Variants in FCRLB observed in about 807,000 individuals in gnomAD.
FCRLB encodes Fc receptor like B, also known as Fc receptor-like B.
In FCRLB, 34 loss-of-function variants were observed where a neutral mutation model predicts 33.6. The observed-to-expected ratio is 1.01, with a 90% CI of 0.77 to 1.35. The LOEUF (loss-of-function observed/expected upper bound fraction) is 1.35. FCRLB is among the 40% of genes most tolerant of loss of function. The pLI, the probability that FCRLB is intolerant of heterozygous loss-of-function variation, is 0.00. For missense variants in FCRLB, 560 were observed against 580.2 expected, an observed-to-expected ratio of 0.97 and a Z score of 0.36; for synonymous variants, 280 against 255.9, an observed-to-expected ratio of 1.09 and a Z score of -0.90.
chr1:161,726,986 G>A lies in FCRLB; in HGVS notation c.858G>A (p.Pro286=), dbSNP rs1333842045. The change falls in exon 7 of 8, where the codon CCG becomes CCA. Residue 286 remains proline (P), a synonymous_variant. Transcript: ENST00000367948. This position sits in a 1 kb window ranked among gnomAD's most constrained non-coding sequence, Gnocchi z 5.2. ...AACGCAGTCCGTGGCTGCAGCTCCC[G>A]GGGCCGGGTGAGTGCCTGCACACCC... The A allele has an allele frequency of 8.6e-6, 13 of 1,519,586 alleles. No individual in the cohort carries two copies. The highest frequency in any genetic ancestry group is 1.1e-5 in the Non-Finnish European group (13 of 1,134,016). 94.1% of individuals were successfully genotyped at this position (1,519,586 alleles called of 1,614,324 possible). A position where few individuals can be genotyped will look rare whatever the true frequency, so the allele number is the denominator to read the frequency against.
intron 5 of FCRLB, 36 bp from the exon 6 acceptor site, chr1:161,725,784 TC>T: frequency 1.3e-6 from 2 of 1,561,838 alleles, no homozygotes; most frequent in African/African-American, 1.3e-5. Context: ...GGCTGGACTT[TC>T]TGTGGAGTCA....
chr1:161,722,689 C>A, exon 3 of FCRLB: 1 of 1,614,100 alleles, frequency 6.2e-7, no homozygotes, highest in Non-Finnish European at 8.5e-7. Context: ...CCACTGACAG[C>A]CCTTCTGCTC....
At chr1:161,722,149 T>G (rs1490099961) in intron 2 of FCRLB, among the ~76,000 whole-genome samples, 1 of 152,118 alleles carries the variant, frequency 6.6e-6, no homozygotes, top group East Asian at 1.9e-4. Flanking sequence ...GGATGTGAGC[T>G]CTGGGGGCAG....
intron 2 of FCRLB, among the ~76,000 whole-genome samples, chr1:161,722,137 C>G (rs905591): frequency 0.9 from 137,050 of 151,994 alleles, 62,075 homozygotes; most frequent in East Asian, 1. Context: ...CTCATTGTGG[C>G]AGGATGTGAG....
In FCRLB at chr1:161,726,520, G is replaced by A; in HGVS notation, c.575-183G>A. 1 of 866,328 alleles carries A rather than the reference G, an allele frequency of 1.2e-6. No homozygotes were observed. The highest frequency in any genetic ancestry group is 1.9e-6 in the Non-Finnish European group (1 of 535,520). 53.7% of individuals were successfully genotyped at this position (866,328 alleles called of 1,614,324 possible). ...TCCTTTCAAGCTTTCCCCGTCCCTC[G>A]TGGACTCGGTCCCCCTGCCCCACAT... On this transcript the variant is annotated intron_variant, in intron 6 of 7. Transcript: ENST00000367948. This position sits in a 1 kb window ranked among gnomAD's most constrained non-coding sequence, Gnocchi z 5.2.
chr1:161,727,497 C>A, exon 8 of FCRLB: 1 of 1,614,186 alleles, frequency 6.2e-7, no homozygotes, highest in East Asian at 2.2e-5. Context: ...CCGACGTGGA[C>A]CTTCTGCTCC....
At chr1:161,727,156 C>A in intron 7 of FCRLB, 91 bp from the exon 8 acceptor site, 1 of 1,398,840 alleles carries the variant, frequency 7.1e-7, no homozygotes, top group Non-Finnish European at 9.5e-7. Flanking sequence ...CGGCCTTCCC[C>A]ATCCCCGCCC....
chr1:161,722,801 C>T lies in FCRLB; in HGVS notation c.31+98C>T. 22 of 1,541,176 alleles carry T rather than the reference C, an allele frequency of 1.4e-5. 1 individual carries two copies. Among genetic ancestry groups the T allele is most frequent in the Non-Finnish European group, 1.9e-5 (21 of 1,125,976 alleles). ...AGGGTGGGTATCCAATCCTCAGTTT[C>T]CAAGTGGTTCATTATCTTTTTTTGG... is the stretch of plus-strand genomic sequence containing the variant. On this transcript the variant is annotated intron_variant, in intron 3 of 7. Coordinates refer to ENST00000367948, the Ensembl canonical transcript of FCRLB.
rs765902697 is a variant in FCRLB at position 161,726,020 on chromosome 1, G to C, written c.507G>C (p.Ser169=). Residue 169 remains serine, a synonymous_variant, in exon 6 of 8, where the codon TCG becomes TCC. Coordinates refer to ENST00000367948, the Ensembl canonical transcript of FCRLB. The surrounding 1 kb of genome is among the most constrained non-coding windows in gnomAD (Gnocchi z 5.2). ...GCGACAGCGGGCGCTACCAGTGCTC[G>C]GGCACCATGCGCATCCCGGTGGAGA... 1 of 1,613,980 alleles carries C rather than the reference G, an allele frequency of 6.2e-7. No homozygotes were observed. The highest frequency in any genetic ancestry group is 8.5e-7 in the Non-Finnish European group (1 of 1,179,876).
rs763066935 is a variant in FCRLB at position 161,726,311 on chromosome 1, C to G, written c.574+224C>G. ...CCCCGACGCACATCCTGGCTTCTCA[C>G]TCTGGCTGGGGACTCCCACAGAGAG... On this transcript the variant is annotated intron_variant, in intron 6 of 7. Coordinates refer to ENST00000367948, the Ensembl canonical transcript of FCRLB. This position sits in a 1 kb window ranked among gnomAD's most constrained non-coding sequence, Gnocchi z 5.2. 9 of 844,012 alleles carry G rather than the reference C, an allele frequency of 1.1e-5. No homozygotes were observed. The highest frequency in any genetic ancestry group is 1.6e-5 in the Non-Finnish European group (8 of 515,986). The allele number at this position is 844,012 out of a possible 1,614,324, so 52.3% of individuals were successfully genotyped here.
chr1:161,726,803 G>T lies in FCRLB; in HGVS notation c.675G>T (p.Pro225=), dbSNP rs781650622. Residue 225 remains proline, a synonymous_variant, in exon 7 of 8, where the codon CCG becomes CCT. Transcript: ENST00000367948. This position sits in a 1 kb window ranked among gnomAD's most constrained non-coding sequence, Gnocchi z 5.2. ...TGCGCTGCGACACGCGCCTGCACCCGCAGAAGCGCGACACGCCGCTGCAGT... is the reference window on the plus strand; with the variant it reads ...TGCGCTGCGACACGCGCCTGCACCCTCAGAAGCGCGACACGCCGCTGCAGT... 2.8e-5 allele frequency: 43 copies of T among 1,561,758 alleles called. No individual in the cohort carries two copies. The highest frequency in any genetic ancestry group is 3.5e-5 in the Non-Finnish European group (40 of 1,155,284).
chr1:161,723,623 T>C lies in FCRLB; in HGVS notation c.307+2T>C. 1 of 1,612,940 alleles carries C rather than the reference T, an allele frequency of 6.2e-7. No individual in the cohort carries two copies. The highest frequency in any genetic ancestry group is 1.1e-5 in the South Asian group (1 of 91,020). Reference sequence around the variant, plus strand: ...CCATCCACCTCTCTGTATCCAATGGTGAGTGGACTGAGCACGAGGGGAGGG... The same window carrying C: ...CCATCCACCTCTCTGTATCCAATGGCGAGTGGACTGAGCACGAGGGGAGGG... On this transcript the variant is annotated splice_donor_variant, in intron 5 of 7. Coordinates refer to ENST00000367948, the Ensembl canonical transcript of FCRLB. LOFTEE classifies it high-confidence loss of function.
chr1:161,724,882 C>T (rs1207013213), intron 5 of FCRLB, among the ~76,000 whole-genome samples: 2 of 152,076 alleles, frequency 1.3e-5, no homozygotes, highest in Non-Finnish European at 2.9e-5. Flanking sequence ...CCTGGGGTGT[C>T]AGGGATGTTT....
At position 161,726,939 on chromosome 1, in the gene FCRLB, A is replaced by G; in HGVS notation, c.811A>G (p.Thr271Ala). 2 of 1,556,694 alleles carry G rather than the reference A, an allele frequency of 1.3e-6. No homozygotes were observed. Residue 271 changes from threonine to alanine, a missense_variant, in exon 7 of 8, where the codon ACC (threonine) becomes GCC (alanine). Physicochemically the swap from Thr to Ala is moderately conservative, Grantham distance 58. Coordinates refer to ENST00000367948, the Ensembl canonical transcript of FCRLB. This position sits in a 1 kb window ranked among gnomAD's most constrained non-coding sequence, Gnocchi z 5.2. ...CGAATCGTACTGGTGCGAGGCGGCT[A>G]CCGCCACCCGCAGTGTCCGGAAACG...
rs770113408 is a variant in FCRLB at position 161,726,810 on chromosome 1, C to G, written c.682C>G (p.Arg228Gly). 5 of 1,561,404 alleles carry G rather than the reference C, an allele frequency of 3.2e-6. No individual in the cohort carries two copies. Among genetic ancestry groups the G allele is most frequent in the Non-Finnish European group, 3.5e-6 (4 of 1,154,548 alleles). The change falls in exon 7 of 8, where the codon CGC becomes GGC. Residue 228 changes from arginine to glycine, a missense_variant. Coordinates refer to ENST00000367948, the Ensembl canonical transcript of FCRLB. The surrounding 1 kb of genome is among the most constrained non-coding windows in gnomAD (Gnocchi z 5.2). ...CGACACGCGCCTGCACCCGCAGAAGCGCGACACGCCGCTGCAGTTCGCGTT... is the reference window on the plus strand; with the variant it reads ...CGACACGCGCCTGCACCCGCAGAAGGGCGACACGCCGCTGCAGTTCGCGTT...
chr1:161,726,737 T>G lies in FCRLB; in HGVS notation c.609T>G (p.Gly203=). 6.3e-7 allele frequency: 1 copy of G among 1,595,110 alleles called. No homozygotes were observed. The highest frequency in any genetic ancestry group is 8.5e-7 in the Non-Finnish European group (1 of 1,174,812). ...GGGCGCCGGTGCTGAGGGTGATGGG[T>G]CCGCGGGAGGCCCGCGGCGCGGCGC... Residue 203 remains glycine (G), a synonymous_variant, in exon 7 of 8, where the codon GGT becomes GGG. Transcript: ENST00000367948. This position sits in a 1 kb window ranked among gnomAD's most constrained non-coding sequence, Gnocchi z 5.2.
Position 161,726,176 on chromosome 1 carries a change from G to A in FCRLB, c.574+89G>A. The A allele has an allele frequency of 6.3e-7, 1 of 1,595,508 alleles. No individual in the cohort carries two copies. The highest frequency in any genetic ancestry group is 8.6e-7 in the Non-Finnish European group (1 of 1,168,286). On this transcript the variant is annotated intron_variant, in intron 6 of 7. Transcript: ENST00000367948. The surrounding 1 kb of genome is among the most constrained non-coding windows in gnomAD (Gnocchi z 5.2). Reference sequence around the variant, plus strand: ...CTCGGCGAGAAAAGAAGGGGCGGAAGTTCAAATAGCTGCCACTTGGAGGGT... The same window carrying A: ...CTCGGCGAGAAAAGAAGGGGCGGAAATTCAAATAGCTGCCACTTGGAGGGT...
rs762646228 is a variant in FCRLB, at chr1:161,725,834, G to C, written c.321G>C (p.Leu107=). 9.9e-6 allele frequency: 16 copies of C among 1,608,582 alleles called. No homozygotes were observed. The South Asian group carries it at 1.5e-4, about 16-fold the overall frequency. Residue 107 remains leucine, a synonymous_variant, in exon 6 of 8, where the codon CTG becomes CTC. Transcript: ENST00000367948. ...TGTCTGTCGCAGATTGGCTGATTCT[G>C]CAAGTGCCCTATGCGCCAGTGTTCG...
rs752215984 is a variant in FCRLB, at chr1:161,726,680, G to A, written c.575-23G>A. On this transcript the variant is annotated intron_variant, in intron 6 of 7. Transcript: ENST00000367948. The surrounding 1 kb of genome is among the most constrained non-coding windows in gnomAD (Gnocchi z 5.2). ...GCGGAGCGGTGGACAAGCCGGCGCC[G>A]TTGCTCCCCGCCCTCTCCGTAGAGC... 59 of 1,575,904 alleles carry A rather than the reference G, an allele frequency of 3.7e-5. No homozygotes were observed. The East Asian group carries it at 1.2e-3, about 33-fold the overall frequency.
Sources: gnomAD v4.1 joint callset for allele counts (sites outside exome capture counted in the v4.1 genomes callset) on GRCh38, gnomAD v4.1.1 for gene constraint, Gnocchi (gnomAD v3.1) non-coding constraint, MANE v1.5 for transcripts, NCBI Gene and HGNC (gene_info 2026-07-23, HGNC 2026-07-21) for gene names.